Variants in MIR2052HG observed in about 807,000 individuals in gnomAD.
The protein encoded by MIR2052HG is MIR2052 host gene.
chr8:74,684,704 T>A lies in MIR2052HG; in HGVS notation n.217-17675T>A, dbSNP rs980762256. 1.2e-4 allele frequency among the ~76,000 whole-genome samples: 19 copies of A among 152,264 alleles called. No individual in the cohort carries two copies. The East Asian group carries it at 2.5e-3, about 20-fold the overall frequency. Reference sequence around the variant, plus strand: ...CTTCAACCTGGTTTCACATTATTAGTTTGGGTTAAGAACCATCACTAAGGT... The same window carrying A: ...CTTCAACCTGGTTTCACATTATTAGATTGGGTTAAGAACCATCACTAAGGT... On this transcript the variant is annotated intron_variant and non_coding_transcript_variant, in intron 2 of 6. Transcript: ENST00000523442.
intron 4 of MIR2052HG, among the ~76,000 whole-genome samples, chr8:74,722,827 T>C (rs1394513374): frequency 6.6e-6 from 1 of 152,170 alleles, no homozygotes; most frequent in Admixed American, 6.5e-5. Flanking sequence ...GGAAGGGAGA[T>C]TTCTGAGGGT....
intron 4 of MIR2052HG, among the ~76,000 whole-genome samples, chr8:74,749,400 TA>T (rs397968997): frequency 2.6e-4 from 38 of 143,890 alleles, no homozygotes; most frequent in East Asian, 4.0e-4. Flanking sequence ...ATCACCAAGT[TA>T]AAAAAAAAAA....
intron 5 of MIR2052HG, among the ~76,000 whole-genome samples, chr8:74,753,937 G>A (rs1471487585): frequency 6.6e-6 from 1 of 152,150 alleles, no homozygotes; most frequent in Non-Finnish European, 1.5e-5. Flanking sequence ...ACTCACTTAT[G>A]TGCTGTTGAA....
chr8:74,638,156 A>G (rs1338794209), intron 2 of MIR2052HG, among the ~76,000 whole-genome samples: 1 of 152,206 alleles, frequency 6.6e-6, no homozygotes, highest in Non-Finnish European at 1.5e-5. Context: ...GGGATGGTTG[A>G]TGGAAGTTGG....
intron 2 of MIR2052HG, among the ~76,000 whole-genome samples, chr8:74,616,788 A>G (rs1808288522): frequency 6.6e-6 from 1 of 152,028 alleles, no homozygotes; most frequent in African/African-American, 2.4e-5. Flanking sequence ...CCATCACAGC[A>G]CCAAAACTGT....
chr8:74,644,701 G>T (rs574239810), intron 2 of MIR2052HG, among the ~76,000 whole-genome samples: 2 of 151,944 alleles, frequency 1.3e-5, no homozygotes, highest in South Asian at 4.2e-4. Context: ...GACCAGCCTG[G>T]GAAACATGGC....
chr8:74,656,163 C>T (rs1015824163), intron 2 of MIR2052HG, among the ~76,000 whole-genome samples: 3 of 152,150 alleles, frequency 2.0e-5, no homozygotes, highest in Non-Finnish European at 4.4e-5. Context: ...TTTACAGGCT[C>T]ATAGGCAGAA....
intron 2 of MIR2052HG, among the ~76,000 whole-genome samples, chr8:74,686,437 A>T (rs1165293994): frequency 6.6e-6 from 1 of 152,018 alleles, no homozygotes; most frequent in African/African-American, 2.4e-5. Context: ...ACCTTCTAGC[A>T]TCAGTATTGG....
intron 2 of MIR2052HG, among the ~76,000 whole-genome samples, chr8:74,653,039 T>C (rs1808769514): frequency 6.6e-6 from 1 of 152,226 alleles, no homozygotes; most frequent in Admixed American, 6.5e-5. Context: ...TCTGTCTCTT[T>C]AGCTATACCT....
chr8:74,727,080 G>A (rs141205455), intron 4 of MIR2052HG, among the ~76,000 whole-genome samples: 83 of 152,316 alleles, frequency 5.4e-4, no homozygotes, highest in Non-Finnish European at 1.0e-3. Context: ...TATGATGTCT[G>A]TTGAAAATTG....
At chr8:74,644,079 A>G (rs984724697) in intron 2 of MIR2052HG, among the ~76,000 whole-genome samples, 1 of 152,168 alleles carries the variant, frequency 6.6e-6, no homozygotes, top group Admixed American at 6.6e-5. Flanking sequence ...CAGTCAGTGA[A>G]GTCCGAACTC....
intron 2 of MIR2052HG, among the ~76,000 whole-genome samples, chr8:74,621,410 A>G (rs2128732717): frequency 6.6e-6 from 1 of 152,348 alleles, no homozygotes; most frequent in Non-Finnish European, 1.5e-5. Context: ...CTATGAAAAA[A>G]TACCTGAGAC....
chr8:74,644,025 T>C (rs190558313), intron 2 of MIR2052HG, among the ~76,000 whole-genome samples: 269 of 152,348 alleles, frequency 1.8e-3, no homozygotes, highest in African/African-American at 6.2e-3. Flanking sequence ...TAATTCTCCT[T>C]TGTTGTTTTC....
Position 74,752,491 on chromosome 8 carries a change from CTT to C in MIR2052HG, n.424_425del, listed in dbSNP as rs1809958310. ...TCAACACATTCTCCAAACTCATTAA[CTT>C]TGGAGAGGCTACCCAGAGTTCCTGA... On this transcript the variant is annotated non_coding_transcript_exon_variant, in exon 5 of 7. Coordinates refer to ENST00000523442, the Ensembl canonical transcript of MIR2052HG. 3 of 455,994 alleles carry C rather than the reference CTT, an allele frequency of 6.6e-6. No individual in the cohort carries two copies. The Admixed American group carries it at 7.1e-5, about 11-fold the overall frequency. The allele number at this position is 455,994 out of a possible 1,614,324, so 28.2% of individuals were successfully genotyped here. A position where few individuals can be genotyped will look rare whatever the true frequency, so the allele number is the denominator to read the frequency against.
At chr8:74,638,360 G>A (rs1199420256) in intron 2 of MIR2052HG, among the ~76,000 whole-genome samples, 4 of 152,274 alleles carry the variant, frequency 2.6e-5, no homozygotes, top group Admixed American at 1.3e-4. Flanking sequence ...TAAACATGCT[G>A]AGGGTAATGA....
intron 2 of MIR2052HG, among the ~76,000 whole-genome samples, chr8:74,643,707 T>G (rs73687190): frequency 0.019 from 2,834 of 152,310 alleles, 89 homozygotes; most frequent in African/African-American, 0.065. Context: ...TTTTAAACTT[T>G]AGAGATAAGT....
At position 74,743,690 on chromosome 8, in the gene MIR2052HG, C is replaced by T. The variant is rs76067092; in HGVS notation, n.372-8751C>T. On this transcript the variant is annotated intron_variant and non_coding_transcript_variant, in intron 4 of 6. Coordinates refer to ENST00000523442, the Ensembl canonical transcript of MIR2052HG. The stretch of plus-strand genomic sequence containing the variant: ...GATCTGAATCACTTGCTGATGTAGG[C>T]TCTACATTTATACCACCTGGGTGGG... Among the ~76,000 whole-genome samples the T allele has an allele frequency of 6.0e-3, 907 of 152,226 alleles. 3 individuals are homozygous for T. The highest frequency in any genetic ancestry group is 0.021 in the East Asian group (109 of 5,182).
At chr8:74,747,191 G>A (rs1190115511) in intron 4 of MIR2052HG, among the ~76,000 whole-genome samples, 1 of 152,148 alleles carries the variant, frequency 6.6e-6, no homozygotes, top group Non-Finnish European at 1.5e-5. Flanking sequence ...CATCACTAAT[G>A]AGTATGTGAC....
At chr8:74,633,893 T>C (rs1808550336) in intron 2 of MIR2052HG, among the ~76,000 whole-genome samples, 1 of 152,236 alleles carries the variant, frequency 6.6e-6, no homozygotes, top group South Asian at 2.1e-4. Context: ...GAATGGTTTG[T>C]ACATTTCTAA....
Sources: gnomAD v4.1 joint callset for allele counts (sites outside exome capture counted in the v4.1 genomes callset) on GRCh38, gnomAD v4.1.1 for gene constraint, MANE v1.5 for transcripts, NCBI Gene and HGNC (gene_info 2026-07-23, HGNC 2026-07-21) for gene names.